SPRY3: variants seen among roughly 807,000 people sequenced by gnomAD.
SPRY3 encodes the protein sprouty RTK signaling antagonist 3.
Under a neutral mutation model 20.2 loss-of-function variants are expected in SPRY3, and 15 were observed. The observed-to-expected ratio is 0.74, with a 90% CI of 0.50 to 1.14. The LOEUF (loss-of-function observed/expected upper bound fraction) is 1.14. Among genes scored for constraint, SPRY3 ranks in the 50% most tolerant of loss-of-function variants. The pLI is 0.00. For missense variants in SPRY3, 364 were observed against 363.9 expected (o/e 1.00, Z 0.00); for synonymous variants, 143 against 136.5 (o/e 1.05, Z -0.33).
At chrX:155,630,083 AAAAC>A (rs1475700674) in intron 1 of SPRY3, among the ~76,000 whole-genome samples, 5 of 112,076 alleles carry the variant, frequency 4.5e-5, no homozygotes, top group Admixed American at 9.5e-5. Context: ...TGATAGCCAA[AAAAC>A]AAACAAACAA....
At chrX:155,633,668 A>C (rs782784462) in intron 1 of SPRY3, among the ~76,000 whole-genome samples, 5 of 111,449 alleles carry the variant, frequency 4.5e-5, no homozygotes, top group Non-Finnish European at 9.4e-5. Context: ...GGGCTTATGG[A>C]GGTAAGATGA....
chrX:155,650,077 G>T (rs2067971727), intron 1 of SPRY3, among the ~76,000 whole-genome samples: 1 of 111,175 alleles, frequency 9.0e-6, no homozygotes, highest in African/African-American at 3.3e-5. Flanking sequence ...TCTTCAAGGA[G>T]AACTACAAAT....
chrX:155,733,460 TA>T (rs1429080286), intron 2 of SPRY3, among the ~76,000 whole-genome samples: 2 of 151,424 alleles, frequency 1.3e-5, no homozygotes, highest in Non-Finnish European at 2.9e-5. Context: ...CCACAAAAAT[TA>T]AAAATTAAAA....
At chrX:155,628,024 A>G (rs1362577992) in intron 1 of SPRY3, among the ~76,000 whole-genome samples, 1 of 111,745 alleles carries the variant, frequency 8.9e-6, no homozygotes, top group African/African-American at 3.3e-5. Context: ...TCCATGGTGT[A>G]TATGTACCAC....
intron 2 of SPRY3, among the ~76,000 whole-genome samples, chrX:155,766,070 C>G (rs1264279744): frequency 1.3e-5 from 2 of 152,096 alleles, no homozygotes; most frequent in Non-Finnish European, 2.9e-5. Context: ...CAGGAGATTT[C>G]CTGACTAGAA....
At chrX:155,749,826 T>C (rs1569395028) in intron 2 of SPRY3, among the ~76,000 whole-genome samples, 1 of 151,870 alleles carries the variant, frequency 6.6e-6, no homozygotes, top group African/African-American at 2.4e-5. Context: ...GTTTTGGACA[T>C]GTTAACTAGG....
At chrX:155,723,924 C>T (rs944442497) in intron 2 of SPRY3, among the ~76,000 whole-genome samples, 3 of 152,134 alleles carry the variant, frequency 2.0e-5, no homozygotes, top group Non-Finnish European at 4.4e-5. Flanking sequence ...TTAGGTCTAA[C>T]ATTTAAGTCT....
At position 155,767,364 on chromosome X, in the gene SPRY3, C is replaced by T. The variant is rs1227899623; in HGVS notation, c.-281-598C>T. On this transcript the variant is annotated intron_variant, in intron 2 of 3. Transcript: ENST00000675360. ...CCAGCTAGCTAAGCTGAACACACTG[C>T]CAACTCACTCCCTGCCCCCACTGCA... Among the ~76,000 whole-genome samples the T allele has an allele frequency of 2.6e-5, 4 of 152,068 alleles. No individual in the cohort carries two copies. The East Asian group carries it at 5.8e-4, about 22-fold the overall frequency.
intron 2 of SPRY3, among the ~76,000 whole-genome samples, chrX:155,666,099 A>T (rs2068023787): frequency 9.0e-6 from 1 of 110,581 alleles, no homozygotes; most frequent in African/African-American, 3.3e-5. Flanking sequence ...TTTCCAGCTG[A>T]AGGATCAGCA....
chrX:155,639,365 A>G (rs1298694684), intron 1 of SPRY3, among the ~76,000 whole-genome samples: 1 of 112,132 alleles, frequency 8.9e-6, no homozygotes, highest in African/African-American at 3.2e-5. Context: ...TGTTTGTGGT[A>G]ATAACACTTA....
rs144184728 is a variant in SPRY3 at position 155,684,305 on chromosome X, G to A, written c.-282+27280G>A. On this transcript the variant is annotated intron_variant, in intron 2 of 3. Coordinates refer to ENST00000675360, the Ensembl canonical transcript of SPRY3. ...ATGATCACTATTATAAGAAATCAGA[G>A]AAGGCCAAGGAGCTTGGGATCCAGC... 4.0e-3 allele frequency among the ~76,000 whole-genome samples: 450 copies of A among 111,298 alleles called. 2 individuals carry two copies. Among genetic ancestry groups the A allele is most frequent in the African/African-American group, 0.014 (415 of 30,637 alleles).
At chrX:155,667,041 G>A (rs971205746) in intron 2 of SPRY3, among the ~76,000 whole-genome samples, 1 of 111,403 alleles carries the variant, frequency 9.0e-6, no homozygotes, top group African/African-American at 3.3e-5. Flanking sequence ...CCAGCAAAAC[G>A]AGATTTTATA....
chrX:155,619,492 T>C (rs782235740), intron 1 of SPRY3, among the ~76,000 whole-genome samples: 2 of 110,709 alleles, frequency 1.8e-5, no homozygotes, highest in East Asian at 5.6e-4. Flanking sequence ...CCACTGAAAG[T>C]TGAAGAAAAT....
intron 2 of SPRY3, among the ~76,000 whole-genome samples, chrX:155,750,691 G>C (rs2091257926): frequency 6.6e-6 from 1 of 151,816 alleles, no homozygotes; most frequent in Admixed American, 6.6e-5. Flanking sequence ...CATCAGTTAA[G>C]AGTGAGAATG....
chrX:155,665,876 T>C (rs898012110), intron 2 of SPRY3, among the ~76,000 whole-genome samples: 1 of 111,895 alleles, frequency 8.9e-6, no homozygotes, highest in South Asian at 3.7e-4. Context: ...CAATAGTGGA[T>C]ATATAGGTGC....
At chrX:155,687,028 A>G (rs940810083) in intron 2 of SPRY3, among the ~76,000 whole-genome samples, 1 of 112,922 alleles carries the variant, frequency 8.9e-6, no homozygotes, top group African/African-American at 3.2e-5. Context: ...GTTTGTTGGT[A>G]CTTTGAATTG....
intron 1 of SPRY3, among the ~76,000 whole-genome samples, chrX:155,617,552 G>T (rs2067857784): frequency 9.0e-6 from 1 of 111,660 alleles, no homozygotes; most frequent in Non-Finnish European, 1.9e-5. Flanking sequence ...AGCTGAGCTT[G>T]CAGTCTCATT....
Position 155,704,044 on chromosome X carries a change from G to T in SPRY3, c.-282+47019G>T, listed in dbSNP as rs1455783288. On this transcript the variant is annotated intron_variant, in intron 2 of 3. Coordinates refer to ENST00000675360, the Ensembl canonical transcript of SPRY3. ...AGAAGGAAAGGCGTGTGCATTTCAAGGCATAAAATCTATTTACCTTGGTCT... is the reference window on the plus strand; with the variant it reads ...AGAAGGAAAGGCGTGTGCATTTCAATGCATAAAATCTATTTACCTTGGTCT... Among the ~76,000 whole-genome samples the T allele has an allele frequency of 2.6e-5, 4 of 151,816 alleles. No individual in the cohort carries two copies. The East Asian group carries it at 7.7e-4, about 29-fold the overall frequency.
intron 2 of SPRY3, among the ~76,000 whole-genome samples, chrX:155,708,687 T>C (rs1251378272): frequency 6.6e-6 from 1 of 151,494 alleles, no homozygotes; most frequent in Non-Finnish European, 1.5e-5. Context: ...TGCATAATAA[T>C]CACATCATGG....
Sources: allele counts gnomAD v4.1 joint callset (sites outside exome capture counted in the v4.1 genomes callset), GRCh38; gene constraint gnomAD v4.1.1; transcripts MANE v1.5; gene names NCBI Gene and HGNC (gene_info 2026-07-23, HGNC 2026-07-21).